Variants in CNR2 observed in about 807,000 individuals in gnomAD.
CNR2 encodes cannabinoid receptor 2 (macrophage).
For synonymous variants in CNR2, 172 were observed against 182.2 expected, an observed-to-expected ratio of 0.94 and a Z score of 0.45; for missense variants, 379 against 439.9, an observed-to-expected ratio of 0.86 and a Z score of 1.24.
At chr1:23,911,411 T>C (rs1050972065) in intron 1 of CNR2, among the ~76,000 whole-genome samples, 4 of 152,028 alleles carry the variant, frequency 2.6e-5, no homozygotes, top group African/African-American at 9.7e-5. Flanking sequence ...CTTCAGACAA[T>C]CAAGTCCATT....
intron 1 of CNR2, among the ~76,000 whole-genome samples, chr1:23,895,216 GA>G (rs934799373): frequency 6.6e-6 from 1 of 150,678 alleles, no homozygotes; most frequent in African/African-American, 2.4e-5. Flanking sequence ...GCAAAACTCA[GA>G]AAAAAAAAGA....
At chr1:23,907,636 G>C (rs562496649) in intron 1 of CNR2, 4 of 151,326 alleles carry the variant, frequency 2.6e-5, no homozygotes, top group African/African-American at 9.7e-5. Context: ...GATTACAGGC[G>C]TGTGCCACCA....
intron 1 of CNR2, among the ~76,000 whole-genome samples, chr1:23,878,104 G>A (rs188372726): frequency 2.5e-3 from 377 of 152,232 alleles, no homozygotes; most frequent in Non-Finnish European, 4.4e-3. Context: ...GTGTTAGAGA[G>A]GATAAACAGA....
At chr1:23,876,695 C>T (rs1220291237) in intron 1 of CNR2, among the ~76,000 whole-genome samples, 2 of 151,664 alleles carry the variant, frequency 1.3e-5, no homozygotes, top group Non-Finnish European at 2.9e-5. Context: ...ATTAGCTGGG[C>T]GTGATGGCAC....
chr1:23,902,828 C>T, intron 1 of CNR2: 2 of 1,284,098 alleles, frequency 1.6e-6, no homozygotes, highest in East Asian at 3.3e-5. Context: ...GCTGCGCTGC[C>T]CGGCCTTCCT....
At chr1:23,909,418 G>A (rs545951634) in intron 1 of CNR2, among the ~76,000 whole-genome samples, 11 of 152,276 alleles carry the variant, frequency 7.2e-5, no homozygotes, top group Non-Finnish European at 1.2e-4. Flanking sequence ...TTGGCTGTGC[G>A]TGGGTTCCCA....
intron 1 of CNR2, among the ~76,000 whole-genome samples, chr1:23,880,086 G>A (rs1245092705): frequency 6.6e-6 from 1 of 151,714 alleles, no homozygotes; most frequent in Non-Finnish European, 1.5e-5. Flanking sequence ...TACTTGGCTT[G>A]CTCTCACCTT....
At chr1:23,888,520 G>A (rs1164988544) in intron 1 of CNR2, among the ~76,000 whole-genome samples, 1 of 152,132 alleles carries the variant, frequency 6.6e-6, no homozygotes, top group African/African-American at 2.4e-5. Flanking sequence ...TTTGGTTGGG[G>A]TAGAAGGATT....
intron 1 of CNR2, chr1:23,901,863 G>A (rs537067731): frequency 2.1e-5 from 34 of 1,609,522 alleles, no homozygotes; most frequent in African/African-American, 2.7e-5. Flanking sequence ...CTGTCGCAGC[G>A]CCCGCAGTAC....
chr1:23,909,499 G>A (rs1350817417), intron 1 of CNR2, among the ~76,000 whole-genome samples: 4 of 152,090 alleles, frequency 2.6e-5, no homozygotes, highest in Non-Finnish European at 5.9e-5. Flanking sequence ...GCCTTTACAG[G>A]ACCGAGGTGA....
chr1:23,894,765 C>A (rs56339195), intron 1 of CNR2, among the ~76,000 whole-genome samples: 121,156 of 148,336 alleles, frequency 0.82, 49,571 homozygotes, highest in Admixed American at 0.83. Context: ...AATTTTGTCT[C>A]AAAAAAAAAA....
chr1:23,875,483 C>T lies in CNR2; in HGVS notation c.135G>A (p.Leu45=), dbSNP rs1639858332. ...CAGCCACGTTCTCCAGGGCACTTAG[C>T]AGGCCCAGAAGAGTGCACAACACAG... ...AVAVLCTLLG[L]LSALENVAVL... The change falls in exon 2 of 2, where the codon CTG becomes CTA. Residue 45 remains leucine (L), a synonymous_variant. Transcript: ENST00000374472. 6.2e-7 allele frequency: 1 copy of T among 1,614,068 alleles called. No individual in the cohort carries two copies. Among genetic ancestry groups the T allele is most frequent in the Admixed American group, 1.7e-5 (1 of 60,000 alleles).
intron 1 of CNR2, among the ~76,000 whole-genome samples, chr1:23,906,959 G>C (rs1158957604): frequency 1.3e-5 from 2 of 151,674 alleles, no homozygotes; most frequent in Non-Finnish European, 2.9e-5. Flanking sequence ...ATGCCTTGCA[G>C]GTGTAGATCT....
At position 23,874,413 on chromosome 1, in the gene CNR2, G is replaced by A; in HGVS notation, c.*122C>T. The A allele has an allele frequency of 9.1e-7, 1 of 1,102,670 alleles. No individual in the cohort carries two copies. The highest frequency in any genetic ancestry group is 1.3e-6 in the Non-Finnish European group (1 of 772,672). The allele number at this position is 1,102,670 out of a possible 1,614,324, so 68.3% of individuals were successfully genotyped here. On this transcript the variant is annotated 3_prime_UTR_variant, in exon 2 of 2. Transcript: ENST00000374472. ...CAGTCCCAACACTCATCAGCAAAAA[G>A]GGGTCCGTGTCTAGGTGTCTGGGAC...
chr1:23,902,490 A>T (rs370811729), intron 1 of CNR2: 1 of 1,606,080 alleles, frequency 6.2e-7, no homozygotes, highest in African/African-American at 1.3e-5. Flanking sequence ...TTCCAGATCG[A>T]TCTCATCACT....
Position 23,885,500 on chromosome 1 carries a change from TC to T in CNR2, c.-45-9839del, listed in dbSNP as rs567923207. ...AAATTACTATCATACATGGAAGTGTTCATTGTTGCCACTGTTGTGATTATTA... is the reference window on the plus strand; with the variant it reads ...AAATTACTATCATACATGGAAGTGTTATTGTTGCCACTGTTGTGATTATTA... On this transcript the variant is annotated intron_variant, in intron 1 of 1. Transcript: ENST00000374472. 1.3e-3 allele frequency among the ~76,000 whole-genome samples: 192 copies of T among 152,318 alleles called. 1 individual carries two copies. The highest frequency in any genetic ancestry group is 4.6e-3 in the African/African-American group (190 of 41,572).
intron 1 of CNR2, chr1:23,902,830 G>T: frequency 1.6e-6 from 2 of 1,278,004 alleles, no homozygotes; most frequent in South Asian, 5.2e-5. Context: ...TGCGCTGCCC[G>T]GCCTTCCTGC....
At chr1:23,905,190 C>CTTTTT (rs1199647705) in intron 1 of CNR2, among the ~76,000 whole-genome samples, 36 of 143,242 alleles carry the variant, frequency 2.5e-4, no homozygotes, top group African/African-American at 9.2e-4. Flanking sequence ...TCTTTTCTTT[C>CTTTTT]TTTTTTTTTT....
At chr1:23,881,834 T>C (rs1174261971) in intron 1 of CNR2, among the ~76,000 whole-genome samples, 1 of 144,104 alleles carries the variant, frequency 6.9e-6, no homozygotes, top group South Asian at 2.4e-4. Flanking sequence ...GAGGTTTCGG[T>C]GAGCCAAGAT....
Sources: gnomAD v4.1 joint callset for allele counts (sites outside exome capture counted in the v4.1 genomes callset) on GRCh38, gnomAD v4.1.1 for gene constraint, MANE v1.5 for transcripts, NCBI Gene and HGNC (gene_info 2026-07-23, HGNC 2026-07-21) for gene names.